Variants in PDZD2 observed in about 807,000 individuals in gnomAD.
PDZD2 encodes the protein PDZ domain containing 2.
PDZD2 carries 90 observed loss-of-function variants against 220.7 expected under a neutral mutation model. That is an observed-to-expected ratio of 0.41 (90% CI 0.34 to 0.49). The LOEUF (loss-of-function observed/expected upper bound fraction) is 0.49, where lower values mean the gene tolerates loss of function less well. Among genes scored for constraint, PDZD2 ranks in the 20% least tolerant of loss-of-function variants. PDZD2 has a pLI of 0.28. For missense variants in PDZD2, 3,174 were observed against 3,608.5 expected (o/e 0.88, Z 3.08); for synonymous variants, 1,375 against 1,450.5 (o/e 0.95, Z 1.18).
intron 2 of PDZD2, among the ~76,000 whole-genome samples, chr5:31,807,782 C>T (rs918964667): frequency 6.6e-6 from 1 of 152,052 alleles, no homozygotes; most frequent in South Asian, 2.1e-4. Context: ...AGAAGAGGGG[C>T]CAGGATGCTG....
At chr5:32,079,287 A>AG (rs1284662927) in intron 19 of PDZD2, among the ~76,000 whole-genome samples, 1 of 149,944 alleles carries the variant, frequency 6.7e-6, no homozygotes, top group Non-Finnish European at 1.5e-5. Flanking sequence ...AAACAAAAAA[A>AG]AAAAAGGAAA....
intron 1 of PDZD2, among the ~76,000 whole-genome samples, chr5:31,688,238 C>T (rs558417514): frequency 4.5e-4 from 34 of 75,522 alleles, no homozygotes; most frequent in African/African-American, 1.5e-3. Flanking sequence ...AGATGTCTTA[C>T]AAAAGAAAAA....
At chr5:31,886,744 C>A (rs1321843213) in intron 2 of PDZD2, among the ~76,000 whole-genome samples, 2 of 151,354 alleles carry the variant, frequency 1.3e-5, no homozygotes, top group East Asian at 1.9e-4. Context: ...GTCGCTCAGG[C>A]TGGAGTGCAG....
rs575425753 is a variant in PDZD2 at position 31,988,978 on chromosome 5, G to A, written c.978+5322G>A. On this transcript the variant is annotated intron_variant, in intron 3 of 24. Coordinates refer to ENST00000438447, the MANE Select transcript of PDZD2 (RefSeq NM_178140.4). ...CCTCTGCTGGTCTTCATTCATGCCC[G>A]AGCCCGACGTATTCCAATTACCATT... 7.9e-5 allele frequency among the ~76,000 whole-genome samples: 12 copies of A among 152,242 alleles called. No individual in the cohort carries two copies. The South Asian group carries it at 1.9e-3, about 24-fold the overall frequency.
chr5:32,004,832 G>A (rs1369899619), intron 5 of PDZD2, among the ~76,000 whole-genome samples: 4 of 152,208 alleles, frequency 2.6e-5, no homozygotes, highest in African/African-American at 7.2e-5. Flanking sequence ...TTGGGTCCTC[G>A]TGGGGCTGAG....
intron 2 of PDZD2, among the ~76,000 whole-genome samples, chr5:31,832,853 T>A (rs1215193549): frequency 6.6e-6 from 1 of 152,134 alleles, no homozygotes; most frequent in Admixed American, 6.5e-5. Context: ...TTTATGTATA[T>A]TTTACCACAG....
intron 2 of PDZD2, among the ~76,000 whole-genome samples, chr5:31,862,101 G>GTT (rs11417935): frequency 0.064 from 4,950 of 77,672 alleles, 270 homozygotes; most frequent in African/African-American, 0.1. Context: ...TTTTTTTTGG[G>GTT]TTTTTTTTTT....
chr5:32,105,537 C>A (rs1373385475), intron 24 of PDZD2, among the ~76,000 whole-genome samples: 1 of 152,100 alleles, frequency 6.6e-6, no homozygotes, highest in East Asian at 1.9e-4. Flanking sequence ...AAAATATATT[C>A]ATCTAAAGGA....
intron 2 of PDZD2, chr5:31,854,960 T>G (rs1292989170): frequency 1.0e-6 from 1 of 985,120 alleles, no homozygotes. Flanking sequence ...AGAGCAGCCT[T>G]CGGGAAGTCC....
intron 2 of PDZD2, among the ~76,000 whole-genome samples, chr5:31,851,787 G>T (rs1701706165): frequency 6.6e-6 from 1 of 152,144 alleles, no homozygotes; most frequent in African/African-American, 2.4e-5. Flanking sequence ...TATCTTTCTG[G>T]CCTGCTGATG....
intron 2 of PDZD2, among the ~76,000 whole-genome samples, chr5:31,906,544 A>G (rs557730834): frequency 1.3e-5 from 2 of 152,130 alleles, no homozygotes; most frequent in East Asian, 1.9e-4. Flanking sequence ...TAGGAAATCT[A>G]TTAAGAGACT....
At chr5:32,035,926 CTTTGTTTTGT>C (rs897811316) in intron 6 of PDZD2, among the ~76,000 whole-genome samples, 1 of 152,054 alleles carries the variant, frequency 6.6e-6, no homozygotes, top group African/African-American at 2.4e-5. Context: ...CATCATCAAC[CTTTGTTTTGT>C]TTTGTTTTGT....
chr5:31,961,913 G>C (rs968119762), intron 2 of PDZD2, among the ~76,000 whole-genome samples: 2 of 118,652 alleles, frequency 1.7e-5, no homozygotes, highest in African/African-American at 5.6e-5. Flanking sequence ...ACCAAGCCTA[G>C]TCTCAGCTGC....
intron 1 of PDZD2, among the ~76,000 whole-genome samples, chr5:31,754,967 G>A (rs1483468729): frequency 6.6e-6 from 1 of 152,250 alleles, no homozygotes; most frequent in Non-Finnish European, 1.5e-5. Context: ...GCTTGGACAA[G>A]TGAGGGCTTG....
At chr5:32,065,415 G>T (rs1740124233) in intron 14 of PDZD2, among the ~76,000 whole-genome samples, 1 of 152,214 alleles carries the variant, frequency 6.6e-6, no homozygotes, top group Non-Finnish European at 1.5e-5. Context: ...GTGCTTGATG[G>T]ACTGGTACAC....
chr5:32,067,276 T>C (rs1338428018), intron 14 of PDZD2, among the ~76,000 whole-genome samples: 2 of 152,188 alleles, frequency 1.3e-5, no homozygotes, highest in African/African-American at 2.4e-5. Flanking sequence ...AGCTTCTAAC[T>C]TATGTTAAGT....
intron 2 of PDZD2, among the ~76,000 whole-genome samples, chr5:31,830,737 A>G (rs1756530453): frequency 6.6e-6 from 1 of 152,170 alleles, no homozygotes; most frequent in Non-Finnish European, 1.5e-5. Flanking sequence ...TCTTCAGGAT[A>G]AAGTTACATG....
At position 31,785,067 on chromosome 5, in the gene PDZD2, T is replaced by A. The variant is rs147389861; in HGVS notation, c.-360-13822T>A. 5.3e-3 allele frequency among the ~76,000 whole-genome samples: 800 copies of A among 152,294 alleles called. 23 individuals carry two copies. Among genetic ancestry groups the A allele is most frequent in the Admixed American group, 0.037 (563 of 15,286 alleles). Reference sequence around the variant, plus strand: ...CCTTCCTGTACTCACCTGGGTCTCCTTAGTCCAAGTTTGCCTTTGCAGCAT... The same window carrying A: ...CCTTCCTGTACTCACCTGGGTCTCCATAGTCCAAGTTTGCCTTTGCAGCAT... On this transcript the variant is annotated intron_variant, in intron 1 of 24. Transcript: ENST00000438447.
intron 1 of PDZD2, among the ~76,000 whole-genome samples, chr5:31,642,150 G>C (rs1027485004): frequency 1.3e-5 from 2 of 152,164 alleles, no homozygotes; most frequent in East Asian, 3.9e-4. Flanking sequence ...CCATCCACAA[G>C]GGGACAAATT....
Sources: allele counts gnomAD v4.1 joint callset (sites outside exome capture counted in the v4.1 genomes callset), GRCh38; gene constraint gnomAD v4.1.1; transcripts MANE v1.5; gene names NCBI Gene and HGNC (gene_info 2026-07-23, HGNC 2026-07-21).